DCUN1D5: variants seen among roughly 807,000 people sequenced by gnomAD.
DCUN1D5 encodes the protein defective in cullin neddylation 1 domain containing 5.
DCUN1D5 carries 10 observed loss-of-function variants against 38.3 expected under a neutral mutation model. The observed-to-expected ratio is 0.26, with a 90% confidence interval of 0.16 to 0.44. The LOEUF is 0.44. Among genes scored for constraint, DCUN1D5 ranks in the 20% least tolerant of loss-of-function variants. The pLI is 1.00. For synonymous variants in DCUN1D5, 93 were observed against 90.9 expected (o/e 1.02, Z -0.13); for missense variants, 148 against 275.3 (o/e 0.54, Z 3.27).
At chr11:103,090,105 TAAAGTA>T (rs1485125245) in intron 1 of DCUN1D5, among the ~76,000 whole-genome samples, 4 of 152,114 alleles carry the variant, frequency 2.6e-5, no homozygotes, top group East Asian at 1.9e-4. Flanking sequence ...TGTAACTGAG[TAAAGTA>T]AGAGTATCAT....
rs574680740 is a variant in DCUN1D5 at position 103,053,714 on chromosome 11, A to G, written c.*8645T>C. The G allele has an allele frequency of 1.2e-4, 17 of 144,390 alleles. No individual in the cohort carries two copies. The East Asian group carries it at 3.3e-3, about 28-fold the overall frequency. The allele number at this position is 144,390 out of a possible 1,614,324, so 8.9% of individuals were successfully genotyped here. A position where few individuals can be genotyped will look rare whatever the true frequency, so the allele number is the denominator to read the frequency against. ...CAATGAATTTTAATTATATGAATAT[A>G]TCATATTATCACATGTACCCCCCAA... On this transcript the variant is annotated 3_prime_UTR_variant, in exon 8 of 8. Transcript: ENST00000260247. The surrounding 1 kb of genome is among the most constrained non-coding windows in gnomAD (Gnocchi z 4.8).
Position 103,087,189 on chromosome 11 carries a change from G to A in DCUN1D5, c.178+2038C>T. ...TTTCTTTTTCTTTTTTTTTTTTTTT[G>A]AGGCAGAGTCTCACTCTGTCACCCA... On this transcript the variant is annotated intron_variant, in intron 2 of 7. Transcript: ENST00000260247. This position sits in a 1 kb window ranked among gnomAD's most constrained non-coding sequence, Gnocchi z 4.1. 9.1e-6 allele frequency among the ~76,000 whole-genome samples: 1 copy of A among 110,290 alleles called. No homozygotes were observed. Among genetic ancestry groups the A allele is most frequent in the Non-Finnish European group, 1.9e-5 (1 of 53,254 alleles). 72.4% of individuals were successfully genotyped at this position (110,290 alleles called of 152,430 possible). A position where few individuals can be genotyped will look rare whatever the true frequency, so the allele number is the denominator to read the frequency against.
In DCUN1D5 at chr11:103,059,437, A is replaced by C. The variant is rs886286641; in HGVS notation, c.*2922T>G. Reference sequence around the variant, plus strand: ...TTGTATTTAAGAGAAATACTCCTCAATCTAACATTCCCAAAGAAGGCTTCA... The same window carrying C: ...TTGTATTTAAGAGAAATACTCCTCACTCTAACATTCCCAAAGAAGGCTTCA... On this transcript the variant is annotated 3_prime_UTR_variant, in exon 8 of 8. Transcript: ENST00000260247. 2.8e-4 allele frequency among the ~76,000 whole-genome samples: 43 copies of C among 152,136 alleles called. No homozygotes were observed. The highest frequency in any genetic ancestry group is 9.7e-4 in the African/African-American group (40 of 41,426).
At chr11:103,084,154 TAAG>T (rs1555030613) in intron 2 of DCUN1D5, among the ~76,000 whole-genome samples, 4 of 152,198 alleles carry the variant, frequency 2.6e-5, no homozygotes, top group Non-Finnish European at 2.9e-5. Context: ...TGTGACTGGA[TAAG>T]AATAAAACAA....
Position 103,063,677 on chromosome 11 carries a change from C to T in DCUN1D5, c.658+598G>A, listed in dbSNP as rs1862068207. 6.6e-6 allele frequency among the ~76,000 whole-genome samples: 1 copy of T among 152,080 alleles called. No individual in the cohort carries two copies. Among genetic ancestry groups the T allele is most frequent in the South Asian group, 2.1e-4 (1 of 4,832 alleles). On this transcript the variant is annotated intron_variant, in intron 7 of 7. Transcript: ENST00000260247. The surrounding 1 kb of genome is among the most constrained non-coding windows in gnomAD (Gnocchi z 4.6). Reference sequence around the variant, plus strand: ...AAAATTTATAGTTCTACAGAATTAACTTGGTTTATCTAATTAATTTATCAT... The same window carrying T: ...AAAATTTATAGTTCTACAGAATTAATTTGGTTTATCTAATTAATTTATCAT...
rs1861918119 is a variant in DCUN1D5 at position 103,058,035 on chromosome 11, G to A, written c.*4324C>T. ...TATTAACTCCCATTTATGGACCATA[G>A]AGCCAAAAATAAATGCAACAAAGCT... On this transcript the variant is annotated 3_prime_UTR_variant, in exon 8 of 8. Transcript: ENST00000260247. 6.6e-6 allele frequency among the ~76,000 whole-genome samples: 1 copy of A among 151,998 alleles called. No homozygotes were observed. Among genetic ancestry groups the A allele is most frequent in the Admixed American group, 6.6e-5 (1 of 15,252 alleles).
chr11:103,090,662 C>T (rs1221773979), intron 1 of DCUN1D5, among the ~76,000 whole-genome samples: 2 of 152,174 alleles, frequency 1.3e-5, no homozygotes, highest in Non-Finnish European at 2.9e-5. Context: ...CCTGTAATCC[C>T]AGCACTTTGG....
At chr11:103,081,238 AGAG>A (rs757481266) in intron 4 of DCUN1D5, among the ~76,000 whole-genome samples, 58 of 152,330 alleles carry the variant, frequency 3.8e-4, no homozygotes, top group Admixed American at 7.8e-4. Flanking sequence ...CAGTATTTAA[AGAG>A]GAGGAGGAGG....
At chr11:103,074,596 G>C (rs1862362868) in intron 4 of DCUN1D5, among the ~76,000 whole-genome samples, 1 of 152,184 alleles carries the variant, frequency 6.6e-6, no homozygotes, top group African/African-American at 2.4e-5. Flanking sequence ...AGTAGAGACA[G>C]GGTTTCACCA....
chr11:103,065,528 T>C lies in DCUN1D5; in HGVS notation c.555+741A>G, dbSNP rs78682230. Among the ~76,000 whole-genome samples, 2 of 152,198 alleles carry C rather than the reference T, an allele frequency of 1.3e-5. No individual in the cohort carries two copies. The highest frequency in any genetic ancestry group is 4.8e-5 in the African/African-American group (2 of 41,524). ...AAGCAGCTATAAGCAATGTGCTTTA[T>C]GAGAAATTATTTCCAAAGGAAAAAG... On this transcript the variant is annotated intron_variant, in intron 6 of 7. Transcript: ENST00000260247. The surrounding 1 kb of genome is among the most constrained non-coding windows in gnomAD (Gnocchi z 4.6).
At chr11:103,081,555 A>T (rs539473189) in intron 4 of DCUN1D5, among the ~76,000 whole-genome samples, 37 of 152,340 alleles carry the variant, frequency 2.4e-4, no homozygotes, top group Non-Finnish European at 4.9e-4. Context: ...TGATTTATAT[A>T]GAAAGTAGGA....
At position 103,087,464 on chromosome 11, in the gene DCUN1D5, C is replaced by T. The variant is rs111674554; in HGVS notation, c.178+1763G>A. On this transcript the variant is annotated intron_variant, in intron 2 of 7. Coordinates refer to ENST00000260247, the MANE Select transcript of DCUN1D5 (RefSeq NM_032299.4). The surrounding 1 kb of genome is among the most constrained non-coding windows in gnomAD (Gnocchi z 4.1). ...AGATTACAGACGTGAGCCACCACACCCGGCTGAAACCCCATTTCTACAAAA... is the reference window on the plus strand; with the variant it reads ...AGATTACAGACGTGAGCCACCACACTCGGCTGAAACCCCATTTCTACAAAA... Among the ~76,000 whole-genome samples, 925 of 152,226 alleles carry T rather than the reference C, an allele frequency of 6.1e-3. 6 individuals are homozygous for T. Among genetic ancestry groups the T allele is most frequent in the African/African-American group, 0.021 (880 of 41,540 alleles).
chr11:103,069,370 A>G (rs1402724720), intron 4 of DCUN1D5, among the ~76,000 whole-genome samples: 2 of 152,176 alleles, frequency 1.3e-5, no homozygotes, highest in Non-Finnish European at 2.9e-5. Flanking sequence ...TTAGAAAACA[A>G]ACACTCTACT....
In DCUN1D5 at chr11:103,091,554, C is replaced by T. The variant is rs992917074; in HGVS notation, c.86+233G>A. 1.6e-6 allele frequency: 1 copy of T among 616,532 alleles called. No individual in the cohort carries two copies. The highest frequency in any genetic ancestry group is 2.8e-6 in the Non-Finnish European group (1 of 357,288). The allele number at this position is 616,532 out of a possible 1,614,324, so 38.2% of individuals were successfully genotyped here. A position where few individuals can be genotyped will look rare whatever the true frequency, so the allele number is the denominator to read the frequency against. On this transcript the variant is annotated intron_variant, in intron 1 of 7. Coordinates refer to ENST00000260247, the MANE Select transcript of DCUN1D5 (RefSeq NM_032299.4). This position sits in a 1 kb window ranked among gnomAD's most constrained non-coding sequence, Gnocchi z 4.3. Reference sequence around the variant, plus strand: ...CCCCACCCTGCAGGGCACGTAGACTCTTAACGTGGGCGGCTCTTCTAGTCT... The same window carrying T: ...CCCCACCCTGCAGGGCACGTAGACTTTTAACGTGGGCGGCTCTTCTAGTCT...
chr11:103,075,237 T>C (rs755673823), intron 4 of DCUN1D5, among the ~76,000 whole-genome samples: 32 of 152,216 alleles, frequency 2.1e-4, no homozygotes, highest in Non-Finnish European at 4.0e-4. Flanking sequence ...ATGCATGACA[T>C]GTCAACAACC....
chr11:103,066,616 T>C lies in DCUN1D5; in HGVS notation c.342-49A>G. Reference sequence around the variant, plus strand: ...AAATTACATAATCAAGAAAATCAAATAAAAGTATCACTGGGGGTTAGACGT... The same window carrying C: ...AAATTACATAATCAAGAAAATCAAACAAAAGTATCACTGGGGGTTAGACGT... On this transcript the variant is annotated intron_variant, in intron 4 of 7. Transcript: ENST00000260247. This position sits in a 1 kb window ranked among gnomAD's most constrained non-coding sequence, Gnocchi z 4.7. 8.3e-7 allele frequency: 1 copy of C among 1,198,944 alleles called. No homozygotes were observed. The highest frequency in any genetic ancestry group is 1.2e-6 in the Non-Finnish European group (1 of 814,488). 74.3% of individuals were successfully genotyped at this position (1,198,944 alleles called of 1,614,324 possible).
chr11:103,057,611 T>C lies in DCUN1D5; in HGVS notation c.*4748A>G, dbSNP rs1333145523. On this transcript the variant is annotated 3_prime_UTR_variant, in exon 8 of 8. Transcript: ENST00000260247. The surrounding 1 kb of genome is among the most constrained non-coding windows in gnomAD (Gnocchi z 4.8). The stretch of plus-strand genomic sequence containing the variant: ...GGCAGGCATCTGTAATCCCAGCTAC[T>C]TGGGAGGTTGACGCACGAGAATCTC... Among the ~76,000 whole-genome samples the C allele has an allele frequency of 1.3e-5, 2 of 151,916 alleles. No homozygotes were observed. Among genetic ancestry groups the C allele is most frequent in the African/African-American group, 4.8e-5 (2 of 41,350 alleles).
rs1289593930 is a variant in DCUN1D5 at position 103,086,287 on chromosome 11, G to A, written c.178+2940C>T. On this transcript the variant is annotated intron_variant, in intron 2 of 7. Coordinates refer to ENST00000260247, the MANE Select transcript of DCUN1D5 (RefSeq NM_032299.4). This position sits in a 1 kb window ranked among gnomAD's most constrained non-coding sequence, Gnocchi z 4.1. ...ACACACAACCAGTAAATCTGATGCTGTAATGCTATTACTGTTTTAATAATA... is the reference window on the plus strand; with the variant it reads ...ACACACAACCAGTAAATCTGATGCTATAATGCTATTACTGTTTTAATAATA... Among the ~76,000 whole-genome samples, 1 of 152,144 alleles carries A rather than the reference G, an allele frequency of 6.6e-6. No homozygotes were observed. The highest frequency in any genetic ancestry group is 1.5e-5 in the Non-Finnish European group (1 of 68,030).
At chr11:103,076,905 T>C (rs1003586704) in intron 4 of DCUN1D5, among the ~76,000 whole-genome samples, 1 of 151,944 alleles carries the variant, frequency 6.6e-6, no homozygotes, top group Admixed American at 6.6e-5. Context: ...TTTTTTGTAG[T>C]AAAAAAAGAA....
Sources: allele counts gnomAD v4.1 joint callset (sites outside exome capture counted in the v4.1 genomes callset), GRCh38; gene constraint gnomAD v4.1.1; non-coding constraint Gnocchi (gnomAD v3.1); transcripts MANE v1.5; gene names NCBI Gene and HGNC (gene_info 2026-07-23, HGNC 2026-07-21).